The following PATJ variants were observed in gnomAD, a reference collection of about 807,000 sequenced individuals.
PATJ encodes the protein PATJ crumbs cell polarity complex component.
In PATJ, 190 loss-of-function variants were observed where a neutral mutation model predicts 224.9. The ratio of observed to expected loss-of-function variants is 0.84; its 90% CI spans 0.75 to 0.95. PATJ has a LOEUF of 0.95. Ranked by LOEUF, PATJ falls within the 40% of genes least tolerant of loss-of-function variation. The probability of loss-of-function intolerance (pLI) is 0.00; values close to 1 mark genes in which losing one functional copy is unlikely to be tolerated. For synonymous variants in PATJ, 769 were observed against 820.3 expected, an observed-to-expected ratio of 0.94 and a Z score of 1.07; for missense variants, 2,121 against 2,270.3, an observed-to-expected ratio of 0.93 and a Z score of 1.34.
At chr1:61,770,558 T>A (rs1239401330) in intron 5 of PATJ, among the ~76,000 whole-genome samples, 1 of 152,134 alleles carries the variant, frequency 6.6e-6, no homozygotes, top group Non-Finnish European at 1.5e-5. Context: ...TAAATACTAT[T>A]TTTCTTTAGA....
At chr1:61,745,333 G>A (rs879765880) in intron 1 of PATJ, among the ~76,000 whole-genome samples, 3 of 152,028 alleles carry the variant, frequency 2.0e-5, no homozygotes, top group Non-Finnish European at 4.4e-5. Context: ...GGAGTGCAGT[G>A]GGTGATCTCA....
rs1034897436 is a variant in PATJ at position 62,001,710 on chromosome 1, A to G, written c.3867+11346A>G. Among the ~76,000 whole-genome samples the G allele has an allele frequency of 1.2e-4, 18 of 152,102 alleles. No homozygotes were observed. The East Asian group carries it at 2.7e-3, about 23-fold the overall frequency. ...ATGAACTTTAAAGTAGTTTTTTCCA[A>G]TTCTGTGAAGAAAGTGATTGGTAGC... On this transcript the variant is annotated intron_variant, in intron 28 of 43. Coordinates refer to ENST00000642238, the MANE Select transcript of PATJ (RefSeq NM_001350145.3).
chr1:61,911,464 G>A (rs1003923879), intron 25 of PATJ, among the ~76,000 whole-genome samples: 10 of 151,920 alleles, frequency 6.6e-5, no homozygotes, highest in African/African-American at 2.2e-4. Context: ...CGCCCACCTC[G>A]GCCTCCCAAA....
intron 27 of PATJ, among the ~76,000 whole-genome samples, chr1:61,963,456 C>T (rs771943434): frequency 6.6e-6 from 1 of 151,894 alleles, no homozygotes; most frequent in African/African-American, 2.4e-5. Flanking sequence ...ATTAGCTGGG[C>T]GTGGTGTTGC....
At chr1:62,054,235 C>T (rs1654156192) in intron 31 of PATJ, 1 of 216,316 alleles carries the variant, frequency 4.6e-6, no homozygotes, top group African/African-American at 2.3e-5. Flanking sequence ...TGGTGACAAG[C>T]ACCTGTAGTC....
chr1:62,159,461 G>C (rs1439942154), intron 43 of PATJ, among the ~76,000 whole-genome samples: 5 of 152,098 alleles, frequency 3.3e-5, no homozygotes, highest in African/African-American at 9.7e-5. Context: ...CAAAGTGCTG[G>C]GATTACAGGC....
intron 17 of PATJ, among the ~76,000 whole-genome samples, chr1:61,838,247 A>G (rs182811465): frequency 1.3e-5 from 2 of 152,300 alleles, no homozygotes; most frequent in African/African-American, 2.4e-5. Context: ...TGTGTGCCGT[A>G]TTAGGAGATT....
At chr1:61,990,076 T>C in intron 27 of PATJ, 92 bp from the exon 28 acceptor site, 1 of 977,744 alleles carries the variant, frequency 1.0e-6, no homozygotes, top group Non-Finnish European at 1.5e-6. Flanking sequence ...GGTACCATAG[T>C]TGAGAAATCA....
chr1:62,129,223 T>C (rs1666032946), intron 41 of PATJ, among the ~76,000 whole-genome samples: 1 of 152,242 alleles, frequency 6.6e-6, no homozygotes, highest in African/African-American at 2.4e-5. Flanking sequence ...AGTGTTCTTT[T>C]GTAAATCAGA....
chr1:61,916,298 C>T (rs1193196734), intron 26 of PATJ, among the ~76,000 whole-genome samples: 1 of 151,754 alleles, frequency 6.6e-6, no homozygotes, highest in East Asian at 1.9e-4. Flanking sequence ...TGTGTCTGCT[C>T]CATATATATA....
chr1:61,896,128 C>G (rs1020952737), intron 22 of PATJ, among the ~76,000 whole-genome samples: 6 of 152,212 alleles, frequency 3.9e-5, no homozygotes, highest in African/African-American at 1.2e-4. Context: ...GAAACCCTGT[C>G]TCTACTAAAA....
At chr1:61,948,298 T>A (rs1255052962) in intron 27 of PATJ, among the ~76,000 whole-genome samples, 2 of 152,014 alleles carry the variant, frequency 1.3e-5, no homozygotes, top group Non-Finnish European at 2.9e-5. Flanking sequence ...GGGAGAAAAT[T>A]TTTACAATCT....
At chr1:62,082,579 C>CTATAAAGAA (rs1277911124) in intron 32 of PATJ, among the ~76,000 whole-genome samples, 4 of 152,094 alleles carry the variant, frequency 2.6e-5, no homozygotes, top group African/African-American at 9.7e-5. Flanking sequence ...CAAGCTTTTT[C>CTATAAAGAA]TATAAAGAAG....
chr1:61,865,184 G>GTA (rs1427345428), intron 20 of PATJ: 1 of 148,824 alleles, frequency 6.7e-6, no homozygotes, highest in African/African-American at 2.5e-5. Context: ...ATATATACGT[G>GTA]TATATATATG....
chr1:61,752,295 C>T (rs1645378795), intron 1 of PATJ, among the ~76,000 whole-genome samples: 1 of 148,126 alleles, frequency 6.8e-6, no homozygotes, highest in Non-Finnish European at 1.5e-5. Context: ...GAAAAACTGA[C>T]TCTTTTCATT....
At chr1:62,040,880 G>A (rs1288470696) in intron 30 of PATJ, among the ~76,000 whole-genome samples, 2 of 152,150 alleles carry the variant, frequency 1.3e-5, no homozygotes, top group African/African-American at 4.8e-5. Flanking sequence ...TTCTTAGTTG[G>A]AATGGACCCT....
intron 27 of PATJ, among the ~76,000 whole-genome samples, chr1:61,929,384 G>T (rs1675691386): frequency 1.3e-5 from 2 of 151,922 alleles, no homozygotes; most frequent in African/African-American, 4.8e-5. Flanking sequence ...TCTATGTGGG[G>T]GTGAGCGAAT....
intron 21 of PATJ, among the ~76,000 whole-genome samples, chr1:61,876,224 A>T (rs1394011351): frequency 6.6e-6 from 1 of 152,180 alleles, no homozygotes; most frequent in Non-Finnish European, 1.5e-5. Flanking sequence ...AGATGATAAC[A>T]TACAGTTTCC....
At chr1:62,048,561 A>AG (rs1419322192) in intron 30 of PATJ, among the ~76,000 whole-genome samples, 3 of 131,006 alleles carry the variant, frequency 2.3e-5, no homozygotes, top group East Asian at 3.9e-4. Context: ...AAAAAAAAAA[A>AG]AAAAAAAAAG....
Sources: allele counts gnomAD v4.1 joint callset (sites outside exome capture counted in the v4.1 genomes callset), GRCh38; gene constraint gnomAD v4.1.1; transcripts MANE v1.5; gene names NCBI Gene and HGNC (gene_info 2026-07-23, HGNC 2026-07-21).